The following LTBP1 variants were observed in gnomAD, a reference collection of about 807,000 sequenced individuals.
LTBP1 encodes latent transforming growth factor beta binding protein 1, also known as latent-transforming growth factor beta-binding protein 1.
A neutral mutation model predicts 207.6 loss-of-function variants in LTBP1; 129 were observed. The observed-to-expected ratio is 0.62, with a 90% CI of 0.54 to 0.72. LTBP1 has a LOEUF of 0.72. Among genes scored for constraint, LTBP1 ranks in the 30% least tolerant of loss-of-function variants. LTBP1 has a pLI of 0.00. For missense variants in LTBP1, 2,281 were observed against 2,217.2 expected, an observed-to-expected ratio of 1.03 and a Z score of -0.58; for synonymous variants, 963 against 833.7, an observed-to-expected ratio of 1.16 and a Z score of -2.67.
At chr2:33,266,396 G>C (rs1330154192) in intron 15 of LTBP1, among the ~76,000 whole-genome samples, 2 of 152,174 alleles carry the variant, frequency 1.3e-5, no homozygotes, top group African/African-American at 2.4e-5. Flanking sequence ...GAGGGAGGCA[G>C]ACAGGTTCCT....
At chr2:33,103,867 G>T (rs1486400941) in intron 3 of LTBP1, among the ~76,000 whole-genome samples, 1 of 151,970 alleles carries the variant, frequency 6.6e-6, no homozygotes, top group Non-Finnish European at 1.5e-5. Flanking sequence ...AGAAGAACTG[G>T]CCCTGGCAGC....
At chr2:33,145,710 C>T (rs2082970306) in intron 5 of LTBP1, among the ~76,000 whole-genome samples, 1 of 151,978 alleles carries the variant, frequency 6.6e-6, no homozygotes. Context: ...ATAGCGTGCC[C>T]AGAAAACCAT....
At chr2:33,326,798 A>G (rs1391206483) in intron 24 of LTBP1, among the ~76,000 whole-genome samples, 1 of 151,996 alleles carries the variant, frequency 6.6e-6, no homozygotes, top group African/African-American at 2.4e-5. Flanking sequence ...AGCTGGGATT[A>G]CAGGCACGTG....
chr2:33,307,767 A>G (rs1482836258), intron 22 of LTBP1, among the ~76,000 whole-genome samples: 2 of 152,202 alleles, frequency 1.3e-5, no homozygotes, highest in African/African-American at 2.4e-5. Context: ...TTTATGTTTT[A>G]GGGTCAGTAC....
chr2:33,124,378 C>A (rs531318848), intron 4 of LTBP1, among the ~76,000 whole-genome samples: 1 of 152,052 alleles, frequency 6.6e-6, no homozygotes, highest in South Asian at 2.1e-4. Context: ...CCACTGCACT[C>A]CAGCTTGGGT....
At chr2:33,225,629 C>G (rs1352301373) in intron 9 of LTBP1, among the ~76,000 whole-genome samples, 1 of 152,242 alleles carries the variant, frequency 6.6e-6, no homozygotes, top group Non-Finnish European at 1.5e-5. Context: ...CCAGGTCCCT[C>G]CCACGACATG....
chr2:33,006,372 TAAG>T (rs1442914296), intron 2 of LTBP1, among the ~76,000 whole-genome samples: 4 of 142,900 alleles, frequency 2.8e-5, no homozygotes, highest in Admixed American at 7.7e-5. Context: ...ATGTCAGAAA[TAAG>T]AAAGCCTTTT....
intron 5 of LTBP1, among the ~76,000 whole-genome samples, chr2:33,171,636 A>C (rs2148438791): frequency 6.6e-6 from 1 of 152,052 alleles, no homozygotes; most frequent in South Asian, 2.1e-4. Flanking sequence ...GCCAACATTC[A>C]GATTCAGGAA....
chr2:33,003,643 C>T (rs1360038061), intron 2 of LTBP1, among the ~76,000 whole-genome samples: 2 of 152,146 alleles, frequency 1.3e-5, no homozygotes, highest in Non-Finnish European at 2.9e-5. Context: ...GGTAGAGCTT[C>T]CTTCCAACCT....
At chr2:33,051,346 G>A (rs1171346797) in intron 3 of LTBP1, among the ~76,000 whole-genome samples, 1 of 152,092 alleles carries the variant, frequency 6.6e-6, no homozygotes, top group African/African-American at 2.4e-5. Flanking sequence ...GAGTCCAGGA[G>A]TTTGAGGCTG....
At chr2:33,255,311 T>C (rs981784663) in intron 11 of LTBP1, among the ~76,000 whole-genome samples, 1 of 152,008 alleles carries the variant, frequency 6.6e-6, no homozygotes, top group African/African-American at 2.4e-5. Flanking sequence ...AGAATGGCAA[T>C]CATTAAAAAG....
At chr2:32,994,440 G>T (rs1238005248) in intron 2 of LTBP1, among the ~76,000 whole-genome samples, 1 of 151,722 alleles carries the variant, frequency 6.6e-6, no homozygotes, top group Non-Finnish European at 1.5e-5. Context: ...TAACCTCAGA[G>T]TCTGCACGCT....
intron 26 of LTBP1, among the ~76,000 whole-genome samples, chr2:33,357,671 A>G (rs2094880538): frequency 6.6e-6 from 1 of 152,226 alleles, no homozygotes; most frequent in Non-Finnish European, 1.5e-5. Flanking sequence ...CACCTCTAGA[A>G]TAAAATATGA....
chr2:33,308,537 G>A (rs1341664077), intron 22 of LTBP1, among the ~76,000 whole-genome samples: 3 of 151,942 alleles, frequency 2.0e-5, no homozygotes, highest in African/African-American at 7.3e-5. Flanking sequence ...ATATGCTTCT[G>A]TTACACAAAA....
intron 5 of LTBP1, among the ~76,000 whole-genome samples, chr2:33,152,883 A>T (rs745468216): frequency 1.4e-4 from 21 of 152,218 alleles, no homozygotes; most frequent in Non-Finnish European, 2.4e-4. Context: ...ATTGATTGTG[A>T]ATCTTTAGGG....
intron 19 of LTBP1, among the ~76,000 whole-genome samples, chr2:33,292,169 GTTTA>G (rs2093787487): frequency 6.6e-6 from 1 of 152,236 alleles, no homozygotes; most frequent in South Asian, 2.1e-4. Flanking sequence ...GAACTTACAT[GTTTA>G]TTTATTTTTG....
chr2:33,048,529 C>A (rs2076561180), intron 3 of LTBP1, among the ~76,000 whole-genome samples: 1 of 152,162 alleles, frequency 6.6e-6, no homozygotes, highest in Non-Finnish European at 1.5e-5. Context: ...TCCACTAAGG[C>A]TGCAAGAAGA....
chr2:33,280,201 A>C, intron 19 of LTBP1, 43 bp downstream of exon 19: 1 of 1,574,622 alleles, frequency 6.4e-7, no homozygotes, highest in Non-Finnish European at 8.6e-7. Context: ...TTTCTTCTGC[A>C]TGGCCCATTT....
intron 4 of LTBP1, among the ~76,000 whole-genome samples, chr2:33,117,049 C>T (rs186727021): frequency 4.5e-4 from 68 of 152,274 alleles, no homozygotes; most frequent in Admixed American, 1.7e-3. Context: ...CCATCAATCA[C>T]GGGCTGACTG....
Sources: gnomAD v4.1 joint callset for allele counts (sites outside exome capture counted in the v4.1 genomes callset) on GRCh38, gnomAD v4.1.1 for gene constraint, MANE v1.5 for transcripts, NCBI Gene and HGNC (gene_info 2026-07-23, HGNC 2026-07-21) for gene names.